EIF4E: variants seen among roughly 807,000 people sequenced by gnomAD.
The protein encoded by EIF4E is eIF-4F 25 kDa subunit.
For missense variants in EIF4E, 113 were observed against 265.6 expected (o/e 0.43, Z 3.99); for synonymous variants, 71 against 88.5 (o/e 0.80, Z 1.11).
Position 98,879,892 on chromosome 4 carries a change from CAATTT to C in EIF4E, c.*1131_*1135del, listed in dbSNP as rs531258541. 63 of 152,240 alleles carry C rather than the reference CAATTT, an allele frequency of 4.1e-4. No homozygotes were observed. Among genetic ancestry groups the C allele is most frequent in the African/African-American group, 1.3e-3 (56 of 41,560 alleles). The allele number at this position is 152,240 out of a possible 1,614,324, so 9.4% of individuals were successfully genotyped here. ...TTCCATATATATGATACTACCTATT[CAATTT>C]ATTAAAAATTGTAATAAACATAATA... is the stretch of plus-strand genomic sequence containing the variant. On this transcript the variant is annotated 3_prime_UTR_variant, in exon 7 of 7. Coordinates refer to ENST00000450253, the MANE Select transcript of EIF4E (RefSeq NM_001968.5).
At chr4:98,909,074 C>T (rs1368469289) in intron 1 of EIF4E, among the ~76,000 whole-genome samples, 1 of 152,098 alleles carries the variant, frequency 6.6e-6, no homozygotes, top group African/African-American at 2.4e-5. Flanking sequence ...GCTCATCTTG[C>T]CAATGCATGT....
intron 1 of EIF4E, among the ~76,000 whole-genome samples, chr4:98,928,591 C>T (rs765959397): frequency 1.4e-4 from 21 of 151,914 alleles, no homozygotes; most frequent in African/African-American, 1.9e-4. Context: ...CCCAGTCCAC[C>T]GGTCTAAGGA....
At chr4:98,923,253 A>T (rs1478608762) in intron 1 of EIF4E, among the ~76,000 whole-genome samples, 1 of 150,878 alleles carries the variant, frequency 6.6e-6, no homozygotes, top group East Asian at 1.9e-4. Context: ...CAGGTTCCAG[A>T]AGTGCCCAGA....
At chr4:98,890,912 C>A in intron 3 of EIF4E, 1 of 359,288 alleles carries the variant, frequency 2.8e-6, no homozygotes, top group Non-Finnish European at 5.1e-6. Context: ...ACTGCAATAC[C>A]CAGTTATGAG....
At chr4:98,914,785 C>T (rs893829409) in intron 1 of EIF4E, among the ~76,000 whole-genome samples, 3 of 152,102 alleles carry the variant, frequency 2.0e-5, no homozygotes, top group African/African-American at 7.2e-5. Context: ...CTTTGGGTGA[C>T]AATAACGTCA....
intron 1 of EIF4E, among the ~76,000 whole-genome samples, chr4:98,920,222 C>T (rs1725584724): frequency 6.6e-6 from 1 of 152,170 alleles, no homozygotes; most frequent in Admixed American, 6.5e-5. Context: ...CATGCTAATT[C>T]AATCCTTGTT....
At position 98,916,840 on chromosome 4, in the gene EIF4E, G is replaced by A. The variant is rs200743537; in HGVS notation, c.18+12255C>T. ...ACTGCTGGAGATCTGGCCCACCAAC[G>A]TGAGATAAGAAACCAAATAACAGGA... On this transcript the variant is annotated intron_variant, in intron 1 of 6. Coordinates refer to ENST00000450253, the MANE Select transcript of EIF4E (RefSeq NM_001968.5). 3.3e-5 allele frequency among the ~76,000 whole-genome samples: 5 copies of A among 152,120 alleles called. No individual in the cohort carries two copies. The East Asian group carries it at 7.7e-4, about 24-fold the overall frequency.
Position 98,917,125 on chromosome 4 carries a change from CACACACACAA to C in EIF4E, c.18+11960_18+11969del, listed in dbSNP as rs1371595607. On this transcript the variant is annotated intron_variant, in intron 1 of 6. Coordinates refer to ENST00000450253, the MANE Select transcript of EIF4E (RefSeq NM_001968.5). ...ACACACACACACACACACACACACA[CACACACACAA>C]AAAAAACCCAAATGCTCAAGTGTCC... is the stretch of plus-strand genomic sequence containing the variant. Among the ~76,000 whole-genome samples, 418 of 60,508 alleles carry C rather than the reference CACACACACAA, an allele frequency of 6.9e-3. 3 individuals carry two copies. Among genetic ancestry groups the C allele is most frequent in the African/African-American group, 0.028 (342 of 12,434 alleles). 39.7% of individuals were successfully genotyped at this position (60,508 alleles called of 152,430 possible).
intron 1 of EIF4E, chr4:98,928,812 C>A: frequency 6.7e-7 from 1 of 1,493,952 alleles, no homozygotes; most frequent in Non-Finnish European, 9.0e-7. Flanking sequence ...AGCTACCCTC[C>A]ACCCTGTAGA....
intron 2 of EIF4E, among the ~76,000 whole-genome samples, chr4:98,899,154 C>T (rs1724541546): frequency 6.6e-6 from 1 of 151,766 alleles, no homozygotes; most frequent in Non-Finnish European, 1.5e-5. Flanking sequence ...ACTTCCCTGC[C>T]TTGGGTGAGT....
At chr4:98,903,990 G>T (rs1350480122) in intron 1 of EIF4E, among the ~76,000 whole-genome samples, 1 of 152,134 alleles carries the variant, frequency 6.6e-6, no homozygotes, top group Non-Finnish European at 1.5e-5. Context: ...GGTAGGCTTT[G>T]GGGGACAGGG....
At chr4:98,910,139 T>C (rs1725053028) in intron 1 of EIF4E, among the ~76,000 whole-genome samples, 1 of 152,204 alleles carries the variant, frequency 6.6e-6, no homozygotes, top group Non-Finnish European at 1.5e-5. Flanking sequence ...TACCAGCTAA[T>C]CTGGCATCAC....
chr4:98,911,094 G>C (rs1725106032), intron 1 of EIF4E, among the ~76,000 whole-genome samples: 1 of 150,802 alleles, frequency 6.6e-6, no homozygotes, highest in African/African-American at 2.4e-5. Flanking sequence ...CTGTTGCCCA[G>C]GCTGGATTGC....
intron 1 of EIF4E, among the ~76,000 whole-genome samples, chr4:98,927,019 A>T (rs1271901282): frequency 6.6e-6 from 1 of 152,184 alleles, no homozygotes; most frequent in African/African-American, 2.4e-5. Flanking sequence ...TACCAGATGT[A>T]ATGCTTTTTA....
At chr4:98,925,418 C>A (rs978194989) in intron 1 of EIF4E, among the ~76,000 whole-genome samples, 1 of 152,152 alleles carries the variant, frequency 6.6e-6, no homozygotes, top group African/African-American at 2.4e-5. Context: ...GCCATTTTCA[C>A]AGACTAATAT....
intron 3 of EIF4E, 76 bp from the exon 4 acceptor site, chr4:98,888,028 T>C: frequency 8.3e-7 from 1 of 1,202,704 alleles, no homozygotes. Context: ...TATATACATT[T>C]AGAACATATG....
intron 1 of EIF4E, chr4:98,928,847 C>A (rs1326001997): frequency 2.0e-6 from 3 of 1,534,966 alleles, no homozygotes; most frequent in African/African-American, 1.4e-5. Context: ...GCAGGAGGCG[C>A]CACGCCGCCC....
At chr4:98,896,237 T>C (rs1724381551) in intron 2 of EIF4E, among the ~76,000 whole-genome samples, 1 of 138,060 alleles carries the variant, frequency 7.2e-6, no homozygotes, top group South Asian at 2.1e-4. Context: ...CTAGGCATGA[T>C]GGCATGTGTC....
At chr4:98,904,511 C>G (rs542796037) in intron 1 of EIF4E, among the ~76,000 whole-genome samples, 18 of 152,338 alleles carry the variant, frequency 1.2e-4, no homozygotes, top group Non-Finnish European at 1.9e-4. Context: ...TGGCTCACGC[C>G]TGTAATCCCA....
Sources: allele counts gnomAD v4.1 joint callset (sites outside exome capture counted in the v4.1 genomes callset), GRCh38; gene constraint gnomAD v4.1.1; transcripts MANE v1.5; gene names NCBI Gene and HGNC (gene_info 2026-07-23, HGNC 2026-07-21).